Variants in SGK3 observed in about 807,000 individuals in gnomAD.
SGK3 encodes serum/glucocorticoid regulated kinase family member 3.
SGK3 carries 47 observed loss-of-function variants against 68.5 expected under a neutral mutation model. The ratio of observed to expected loss-of-function variants is 0.69; its 90% confidence interval spans 0.54 to 0.87. The LOEUF is 0.87. Among genes scored for constraint, SGK3 ranks in the 40% least tolerant of loss-of-function variants. SGK3 has a pLI of 0.00. For synonymous variants in SGK3, 181 were observed against 189.1 expected (o/e 0.96, Z 0.35); for missense variants, 479 against 575.5 (o/e 0.83, Z 1.72).
chr8:66,846,887 T>G (rs1167497050), intron 14 of SGK3, among the ~76,000 whole-genome samples: 1 of 152,218 alleles, frequency 6.6e-6, no homozygotes, highest in Non-Finnish European at 1.5e-5. Context: ...TCATTATGCC[T>G]ATGATAAGGT....
intron 1 of SGK3, among the ~76,000 whole-genome samples, chr8:66,733,062 C>T (rs1222317010): frequency 6.6e-6 from 1 of 152,030 alleles, no homozygotes; most frequent in Non-Finnish European, 1.5e-5. Flanking sequence ...GTGCATGGTA[C>T]ATATAGCCAG....
intron 4 of SGK3, among the ~76,000 whole-genome samples, chr8:66,805,640 C>G (rs1038895375): frequency 2.0e-5 from 3 of 152,160 alleles, no homozygotes; most frequent in African/African-American, 7.2e-5. Context: ...GGAATTTTCC[C>G]CTAGAACCCA....
chr8:66,815,361 TCCTCTGCCA>T (rs1808536511), intron 5 of SGK3, among the ~76,000 whole-genome samples: 1 of 152,194 alleles, frequency 6.6e-6, no homozygotes, highest in African/African-American at 2.4e-5. Context: ...AGAACAGGTA[TCCTCTGCCA>T]CCTCTGGCAG....
intron 1 of SGK3, among the ~76,000 whole-genome samples, chr8:66,777,249 A>T (rs1203438023): frequency 6.6e-6 from 1 of 152,150 alleles, no homozygotes; most frequent in Non-Finnish European, 1.5e-5. Flanking sequence ...CACCACACTT[A>T]TATATTGACC....
intron 7 of SGK3, among the ~76,000 whole-genome samples, chr8:66,829,478 GTAAGA>G (rs1015938931): frequency 2.0e-5 from 3 of 152,212 alleles, no homozygotes; most frequent in African/African-American, 4.8e-5. Context: ...GAAAGAGACA[GTAAGA>G]TAAGAGAAAA....
At chr8:66,732,191 G>A (rs1805176051) in intron 1 of SGK3, among the ~76,000 whole-genome samples, 1 of 152,176 alleles carries the variant, frequency 6.6e-6, no homozygotes, top group Non-Finnish European at 1.5e-5. Context: ...TGCAGTGGTA[G>A]AAAGGCCATG....
At chr8:66,818,538 C>A (rs1249375863) in intron 5 of SGK3, among the ~76,000 whole-genome samples, 1 of 152,120 alleles carries the variant, frequency 6.6e-6, no homozygotes, top group Non-Finnish European at 1.5e-5. Context: ...ATTATGAACA[C>A]CCCTGAGATC....
At chr8:66,727,182 G>T (rs1210190852) in intron 1 of SGK3, among the ~76,000 whole-genome samples, 2 of 152,000 alleles carry the variant, frequency 1.3e-5, no homozygotes, top group African/African-American at 4.8e-5. Flanking sequence ...GCTCACTGCA[G>T]CCTCGATCTC....
At chr8:66,716,804 G>A (rs1260856261) in intron 1 of SGK3, among the ~76,000 whole-genome samples, 1 of 152,170 alleles carries the variant, frequency 6.6e-6, no homozygotes, top group Non-Finnish European at 1.5e-5. Flanking sequence ...TTGGCATGAT[G>A]TGATATTGGT....
At chr8:66,746,757 C>T (rs1007062985) in intron 1 of SGK3, among the ~76,000 whole-genome samples, 5 of 151,978 alleles carry the variant, frequency 3.3e-5, no homozygotes, top group South Asian at 2.1e-4. Flanking sequence ...GACCAGGTCT[C>T]GCTATGTTGC....
chr8:66,756,569 CTTTT>C (rs34499404), intron 1 of SGK3, among the ~76,000 whole-genome samples: 1,310 of 77,710 alleles, frequency 0.017, 9 homozygotes, highest in African/African-American at 0.042. Flanking sequence ...CATGCATCTA[CTTTT>C]TTTTTTTTTT....
chr8:66,831,037 A>C (rs1296684853), intron 7 of SGK3, among the ~76,000 whole-genome samples: 1 of 152,216 alleles, frequency 6.6e-6, no homozygotes, highest in African/African-American at 2.4e-5. Flanking sequence ...TGAGGCTTAA[A>C]GTTATGAAAT....
rs191322977 is a variant in SGK3, at chr8:66,827,032, A to G, written c.418-1622A>G. Among the ~76,000 whole-genome samples the G allele has an allele frequency of 1.4e-3, 210 of 152,310 alleles. 4 individuals carry two copies. The South Asian group carries it at 0.022, about 16-fold the overall frequency. On this transcript the variant is annotated intron_variant, in intron 6 of 16. Coordinates refer to ENST00000521198, the MANE Select transcript of SGK3 (RefSeq NM_001033578.3). ...ATATTCTAGATATTACAAATTTGAA[A>G]TGAATTTAAGTAAAAATAAATACTA...
chr8:66,777,052 A>G (rs1806742419), intron 1 of SGK3, among the ~76,000 whole-genome samples: 2 of 152,208 alleles, frequency 1.3e-5, no homozygotes, highest in African/African-American at 4.8e-5. Flanking sequence ...CACCCAAGGA[A>G]GTAGGACTGG....
At chr8:66,857,600 G>A (rs1810565289) in intron 16 of SGK3, among the ~76,000 whole-genome samples, 1 of 151,974 alleles carries the variant, frequency 6.6e-6, no homozygotes, top group South Asian at 2.1e-4. Context: ...TGGACAACAT[G>A]GTGAGAACTT....
chr8:66,813,870 C>A lies in SGK3; in HGVS notation c.271C>A (p.Arg91=), dbSNP rs756034666. Reference sequence around the variant, plus strand: ...TCTTCCAGATTTTATTAAACAAAGACGAGCAGGACTAAACGAATTCATTCA... The same window carrying A: ...TCTTCCAGATTTTATTAAACAAAGAAGAGCAGGACTAAACGAATTCATTCA... ...NFDPDFIKQR[R]AGLNEFIQNL... Residue 91 remains arginine, a synonymous_variant, in exon 5 of 17, where the codon CGA becomes AGA. Transcript: ENST00000521198. The A allele has an allele frequency of 1.3e-6, 2 of 1,571,276 alleles. No homozygotes were observed. The highest frequency in any genetic ancestry group is 2.7e-5 in the African/African-American group (2 of 73,154).
At chr8:66,744,900 C>A (rs1805608152) in intron 1 of SGK3, among the ~76,000 whole-genome samples, 1 of 151,464 alleles carries the variant, frequency 6.6e-6, no homozygotes, top group Non-Finnish European at 1.5e-5. Context: ...CCAACCTTGG[C>A]ATTTTTTGTC....
chr8:66,716,643 G>A (rs555404913), intron 1 of SGK3, among the ~76,000 whole-genome samples: 5 of 152,150 alleles, frequency 3.3e-5, no homozygotes, highest in South Asian at 2.1e-4. Context: ...TATGTAAGAC[G>A]GAAAATGGAG....
chr8:66,767,297 G>T, intron 1 of SGK3: 1 of 739,428 alleles, frequency 1.4e-6, no homozygotes, highest in Non-Finnish European at 2.2e-6. Context: ...TCCTTTTAAT[G>T]GTTATTTTAT....
Sources: gnomAD v4.1 joint callset for allele counts (sites outside exome capture counted in the v4.1 genomes callset) on GRCh38, gnomAD v4.1.1 for gene constraint, MANE v1.5 for transcripts, NCBI Gene and HGNC (gene_info 2026-07-23, HGNC 2026-07-21) for gene names.